The following OPCML variants were observed in gnomAD, a reference collection of about 807,000 sequenced individuals.
The protein encoded by OPCML is opioid-binding protein/cell adhesion molecule.
A neutral mutation model predicts 37.8 loss-of-function variants in OPCML; 13 were observed. The ratio of observed to expected loss-of-function variants is 0.34; its 90% confidence interval spans 0.22 to 0.55. The LOEUF (loss-of-function observed/expected upper bound fraction) is 0.55. Ranked by LOEUF, OPCML falls within the 20% of genes least tolerant of loss-of-function variation. The pLI is 0.91. For synonymous variants in OPCML, 176 were observed against 168.8 expected (o/e 1.04, Z -0.33); for missense variants, 341 against 435.6 (o/e 0.78, Z 1.93).
At chr11:133,353,020 G>A (rs1425162865) in intron 1 of OPCML, among the ~76,000 whole-genome samples, 2 of 152,132 alleles carry the variant, frequency 1.3e-5, no homozygotes, top group Non-Finnish European at 2.9e-5. Flanking sequence ...AATAAATGTC[G>A]CAGTTATAGG....
At chr11:133,043,240 C>A (rs1341015999) in intron 1 of OPCML, among the ~76,000 whole-genome samples, 4 of 152,272 alleles carry the variant, frequency 2.6e-5, no homozygotes, top group Admixed American at 6.5e-5. Flanking sequence ...GTGCAGTTTT[C>A]TCTTCTGGCT....
At chr11:133,112,853 T>C (rs985630) in intron 1 of OPCML, among the ~76,000 whole-genome samples, 75,881 of 150,776 alleles carry the variant, frequency 0.5, 19,295 homozygotes, top group Admixed American at 0.55. Flanking sequence ...TCCAGAAGAG[T>C]GGACTGTCAT....
intron 2 of OPCML, among the ~76,000 whole-genome samples, chr11:132,680,028 G>A (rs1447863871): frequency 1.3e-5 from 2 of 152,096 alleles, no homozygotes; most frequent in Non-Finnish European, 2.9e-5. Flanking sequence ...TTTTGTGAAT[G>A]CAAGATGCTT....
Position 133,000,341 on chromosome 11 carries a change from G to A in OPCML, c.62-57331C>T, listed in dbSNP as rs1334457538. Among the ~76,000 whole-genome samples the A allele has an allele frequency of 4.6e-5, 7 of 152,242 alleles. No individual in the cohort carries two copies. The South Asian group carries it at 6.2e-4, about 14-fold the overall frequency. On this transcript the variant is annotated intron_variant, in intron 1 of 7. Coordinates refer to ENST00000524381, the MANE Select transcript of OPCML (RefSeq NM_001012393.5). ...TTGGCCAGGCTGATCTCGAACTCCCGTCCTCAAGCGTTCAGCCTGCCTCGG... is the reference window on the plus strand; with the variant it reads ...TTGGCCAGGCTGATCTCGAACTCCCATCCTCAAGCGTTCAGCCTGCCTCGG...
intron 1 of OPCML, among the ~76,000 whole-genome samples, chr11:132,999,034 G>A (rs1946941264): frequency 6.6e-6 from 1 of 152,160 alleles, no homozygotes. Flanking sequence ...GGAAACAAAA[G>A]GTCAGATGAT....
At chr11:133,291,943 G>C (rs1028956591) in intron 1 of OPCML, among the ~76,000 whole-genome samples, 2 of 152,246 alleles carry the variant, frequency 1.3e-5, no homozygotes, top group Non-Finnish European at 2.9e-5. Context: ...TCTGCAGTCT[G>C]TGAAGGCACA....
intron 2 of OPCML, among the ~76,000 whole-genome samples, chr11:132,795,786 A>T (rs927060578): frequency 6.6e-6 from 1 of 152,164 alleles, no homozygotes; most frequent in Non-Finnish European, 1.5e-5. Flanking sequence ...AGATGAGAAA[A>T]TTGGGTCTGA....
chr11:133,211,403 G>C lies in OPCML; in HGVS notation c.62-268393C>G. ...TCCCTCTCAAACTGGGAACAATAAG[G>C]CTTCAGAGCCTTGCACCTGTCAGGG... On this transcript the variant is annotated intron_variant, in intron 1 of 7. Transcript: ENST00000524381. The surrounding 1 kb of genome is among the most constrained non-coding windows in gnomAD (Gnocchi z 4.1). Among the ~76,000 whole-genome samples the C allele has an allele frequency of 6.6e-6, 1 of 152,266 alleles. No individual in the cohort carries two copies. Among genetic ancestry groups the C allele is most frequent in the East Asian group, 1.9e-4 (1 of 5,178 alleles).
chr11:133,528,394 T>C (rs1948531758), intron 1 of OPCML, among the ~76,000 whole-genome samples: 1 of 152,236 alleles, frequency 6.6e-6, no homozygotes, highest in Non-Finnish European at 1.5e-5. Flanking sequence ...GCTCTGTCCT[T>C]GTTCCTATCT....
intron 1 of OPCML, among the ~76,000 whole-genome samples, chr11:133,293,793 G>A (rs1169824829): frequency 6.6e-6 from 1 of 151,982 alleles, no homozygotes; most frequent in Non-Finnish European, 1.5e-5. Context: ...GCACACAGGT[G>A]CCCATTAGGG....
rs1417124697 is a variant in OPCML, at chr11:132,988,895, CA to C, written c.62-45886del. On this transcript the variant is annotated intron_variant, in intron 1 of 7. Transcript: ENST00000524381. ...AATGAGAAGTGCACAGCAACACAGTCAAAAAATGGGCAAAATAAATGAACAA... is the reference window on the plus strand; with the variant it reads ...AATGAGAAGTGCACAGCAACACAGTCAAAAATGGGCAAAATAAATGAACAA... Among the ~76,000 whole-genome samples the C allele has an allele frequency of 7.2e-5, 11 of 152,092 alleles. No individual in the cohort carries two copies. In the East Asian group the frequency reaches 1.7e-3, roughly 24 times the overall value.
intron 1 of OPCML, among the ~76,000 whole-genome samples, chr11:133,083,734 G>A (rs1475441043): frequency 2.0e-5 from 3 of 152,200 alleles, no homozygotes; most frequent in African/African-American, 7.2e-5. Flanking sequence ...CCAATAACGG[G>A]AGGCCCATGT....
At chr11:133,193,539 A>T (rs1414937082) in intron 1 of OPCML, among the ~76,000 whole-genome samples, 1 of 152,208 alleles carries the variant, frequency 6.6e-6, no homozygotes, top group Non-Finnish European at 1.5e-5. Context: ...AATATTTTCC[A>T]GGAAATGAAA....
chr11:133,059,550 G>A (rs990164609), intron 1 of OPCML, among the ~76,000 whole-genome samples: 13 of 152,250 alleles, frequency 8.5e-5, no homozygotes, highest in East Asian at 1.9e-4. Flanking sequence ...AAACCCAAAC[G>A]CCAGTTTCAC....
chr11:133,516,124 G>A (rs1403678784), intron 1 of OPCML, among the ~76,000 whole-genome samples: 1 of 152,124 alleles, frequency 6.6e-6, no homozygotes, highest in Non-Finnish European at 1.5e-5. Context: ...GGAGAGCTTG[G>A]GGACTGCGAC....
chr11:133,457,050 C>A (rs1946685415), intron 1 of OPCML, among the ~76,000 whole-genome samples: 1 of 152,092 alleles, frequency 6.6e-6, no homozygotes, highest in African/African-American at 2.4e-5. Flanking sequence ...AAGAGACCAA[C>A]CCCAAGACAC....
intron 4 of OPCML, among the ~76,000 whole-genome samples, chr11:132,466,563 G>T (rs1379595655): frequency 6.6e-6 from 1 of 152,116 alleles, no homozygotes; most frequent in African/African-American, 2.4e-5. Context: ...GAAACGCATG[G>T]AAAGAACCAG....
At chr11:133,420,746 A>T in intron 1 of OPCML, 1 of 985,464 alleles carries the variant, frequency 1.0e-6, no homozygotes, top group South Asian at 4.7e-5. Flanking sequence ...AGGTTTAAAA[A>T]GTAACTAGAA....
At chr11:132,469,661 G>GGGGTGTATGTGTGTGT (rs2096130211) in intron 4 of OPCML, among the ~76,000 whole-genome samples, 3 of 134,346 alleles carry the variant, frequency 2.2e-5, no homozygotes, top group African/African-American at 8.4e-5. Flanking sequence ...TATGTGTGTG[G>GGGGTGTATGTGTGTGT]GGGTGTATGT....
Sources: allele counts gnomAD v4.1 joint callset (sites outside exome capture counted in the v4.1 genomes callset), GRCh38; gene constraint gnomAD v4.1.1; non-coding constraint Gnocchi (gnomAD v3.1); transcripts MANE v1.5; gene names NCBI Gene and HGNC (gene_info 2026-07-23, HGNC 2026-07-21).